The following GNAQ variants were observed in gnomAD, a reference collection of about 807,000 sequenced individuals.
The protein encoded by GNAQ is guanine nucleotide-binding protein G(q) subunit alpha.
Under a neutral mutation model 43.9 loss-of-function variants are expected in GNAQ, and 8 were observed. The ratio of observed to expected loss-of-function variants is 0.18; its 90% CI spans 0.11 to 0.33. The LOEUF is 0.33. Among genes scored for constraint, GNAQ ranks in the 10% least tolerant of loss-of-function variants. GNAQ has a pLI of 1.00. For synonymous variants in GNAQ, 155 were observed against 170.7 expected (o/e 0.91, Z 0.71); for missense variants, 158 against 450.8 (o/e 0.35, Z 5.88).
chr9:77,964,901 T>C (rs1823147687), intron 1 of GNAQ, among the ~76,000 whole-genome samples: 1 of 152,082 alleles, frequency 6.6e-6, no homozygotes, highest in Non-Finnish European at 1.5e-5. Flanking sequence ...ACTCAACTTC[T>C]CTAATATACT....
intron 1 of GNAQ, among the ~76,000 whole-genome samples, chr9:77,979,631 G>A (rs10781476): frequency 0.41 from 62,402 of 151,944 alleles, 13,567 homozygotes; most frequent in Admixed American, 0.49. Context: ...ATGCCCAAGG[G>A]GGGGGAGACT....
At chr9:78,020,613 T>C (rs906420960) in intron 1 of GNAQ, among the ~76,000 whole-genome samples, 2 of 152,254 alleles carry the variant, frequency 1.3e-5, no homozygotes, top group Middle Eastern at 3.4e-3. Context: ...AGAGGCAGCA[T>C]TGGTCTGGCT....
At chr9:77,884,441 C>T (rs918666991) in intron 2 of GNAQ, among the ~76,000 whole-genome samples, 6 of 151,986 alleles carry the variant, frequency 3.9e-5, no homozygotes, top group Admixed American at 1.3e-4. Flanking sequence ...TTATTTCAAG[C>T]GGGAAAAAAT....
At chr9:77,766,087 A>G (rs1826132660) in intron 5 of GNAQ, among the ~76,000 whole-genome samples, 1 of 152,228 alleles carries the variant, frequency 6.6e-6, no homozygotes, top group East Asian at 1.9e-4. Flanking sequence ...ATTACTGTGT[A>G]ATGGGTATGG....
intron 2 of GNAQ, among the ~76,000 whole-genome samples, chr9:77,832,826 G>C (rs991167816): frequency 1.3e-5 from 2 of 152,236 alleles, no homozygotes; most frequent in African/African-American, 4.8e-5. Flanking sequence ...AGAGGAGAGG[G>C]GGGAGCTACA....
intron 2 of GNAQ, among the ~76,000 whole-genome samples, chr9:77,856,576 C>T (rs1397002301): frequency 6.6e-6 from 1 of 152,084 alleles, no homozygotes; most frequent in Non-Finnish European, 1.5e-5. Context: ...GATGGAGATC[C>T]TCTTAAGGAG....
intron 2 of GNAQ, among the ~76,000 whole-genome samples, chr9:77,893,522 C>G (rs1828438313): frequency 6.6e-6 from 1 of 152,224 alleles, no homozygotes; most frequent in Admixed American, 6.5e-5. Flanking sequence ...TAAGCATACT[C>G]AGTTGAGCAG....
intron 1 of GNAQ, among the ~76,000 whole-genome samples, chr9:77,942,767 A>C (rs2118348550): frequency 6.6e-6 from 1 of 152,338 alleles, no homozygotes; most frequent in South Asian, 2.1e-4. Flanking sequence ...AACTTTTAAA[A>C]ATAAAGACAC....
chr9:77,940,986 C>T (rs888078984), intron 1 of GNAQ, among the ~76,000 whole-genome samples: 1 of 151,768 alleles, frequency 6.6e-6, no homozygotes, highest in African/African-American at 2.4e-5. Flanking sequence ...ATTTGCAAGT[C>T]ATTTTTTTAA....
At chr9:77,948,047 C>T (rs1341866532) in intron 1 of GNAQ, among the ~76,000 whole-genome samples, 1 of 152,148 alleles carries the variant, frequency 6.6e-6, no homozygotes, top group Non-Finnish European at 1.5e-5. Context: ...ATACGTGGCA[C>T]AAGAAAGTGT....
rs544067882 is a variant in GNAQ at position 77,930,059 on chromosome 9, T to C, written c.137-7714A>G. ...TAAATAATGCTCTGATAAACACCCC[T>C]GAACAAAAATCTCTGCCTGAATCTC... is the stretch of plus-strand genomic sequence containing the variant. On this transcript the variant is annotated intron_variant, in intron 1 of 6. Coordinates refer to ENST00000286548, the MANE Select transcript of GNAQ (RefSeq NM_002072.5). Among the ~76,000 whole-genome samples the C allele has an allele frequency of 9.8e-4, 150 of 152,296 alleles. No homozygotes were observed. In the Middle Eastern group the frequency reaches 0.01, roughly 10 times the overall value.
intron 2 of GNAQ, among the ~76,000 whole-genome samples, chr9:77,838,665 ACCTCGGC>A (rs1327633558): frequency 2.6e-5 from 4 of 151,682 alleles, no homozygotes; most frequent in African/African-American, 4.8e-5. Context: ...TGATCCACCC[ACCTCGGC>A]CTTGCAAAGT....
intron 6 of GNAQ, 37 bp from the exon 7 acceptor site, chr9:77,721,550 T>A (rs777234154): frequency 8.3e-7 from 1 of 1,201,756 alleles, no homozygotes; most frequent in Non-Finnish European, 1.2e-6. Context: ...CTTTGTTACC[T>A]AATCTGCTAA....
chr9:77,826,140 T>TGA (rs776732183), intron 2 of GNAQ, among the ~76,000 whole-genome samples: 1 of 152,158 alleles, frequency 6.6e-6, no homozygotes. Flanking sequence ...TCAAGAATAA[T>TGA]GAGAGAGTAC....
chr9:77,770,176 G>A (rs913456653), intron 5 of GNAQ, among the ~76,000 whole-genome samples: 1 of 152,126 alleles, frequency 6.6e-6, no homozygotes, highest in East Asian at 1.9e-4. Context: ...AGGGTTATAT[G>A]TATGTGTATA....
intron 2 of GNAQ, among the ~76,000 whole-genome samples, chr9:77,827,472 A>G (rs1009878147): frequency 2.0e-5 from 3 of 150,940 alleles, no homozygotes; most frequent in Admixed American, 1.3e-4. Flanking sequence ...TCTTAGCTAT[A>G]TATTTATTTT....
chr9:77,716,869 C>T lies in GNAQ; in HGVS notation c.*4454G>A. On this transcript the variant is annotated 3_prime_UTR_variant, in exon 7 of 7. Coordinates refer to ENST00000286548, the MANE Select transcript of GNAQ (RefSeq NM_002072.5). ...ACCTACTATGTGCTAGGTGTGTATT[C>T]ATACTTTGAACATATGATTCTAGAG... 4.3e-6 allele frequency: 1 copy of T among 232,834 alleles called. No individual in the cohort carries two copies. Among genetic ancestry groups the T allele is most frequent in the East Asian group, 6.1e-5 (1 of 16,488 alleles). 14.4% of individuals were successfully genotyped at this position (232,834 alleles called of 1,614,324 possible). A position where few individuals can be genotyped will look rare whatever the true frequency, so the allele number is the denominator to read the frequency against.
At chr9:77,982,737 A>G (rs1399059832) in intron 1 of GNAQ, among the ~76,000 whole-genome samples, 1 of 151,504 alleles carries the variant, frequency 6.6e-6, no homozygotes, top group Non-Finnish European at 1.5e-5. Flanking sequence ...TATGTTTAAA[A>G]AAAAAAAAAA....
Position 77,941,947 on chromosome 9 carries a change from C to G in GNAQ, c.137-19602G>C, listed in dbSNP as rs1035858865. On this transcript the variant is annotated intron_variant, in intron 1 of 6. Coordinates refer to ENST00000286548, the MANE Select transcript of GNAQ (RefSeq NM_002072.5). ...ACACACACACACACACACACACACA[C>G]AGAGTATTATATAGAAAGAGGTAGG... Among the ~76,000 whole-genome samples, 11 of 135,336 alleles carry G rather than the reference C, an allele frequency of 8.1e-5. No individual in the cohort carries two copies. In the South Asian group the frequency reaches 2.3e-3, roughly 29 times the overall value. The allele number at this position is 135,336 out of a possible 152,430, so 88.8% of individuals were successfully genotyped here.
Sources: allele counts gnomAD v4.1 joint callset (sites outside exome capture counted in the v4.1 genomes callset), GRCh38; gene constraint gnomAD v4.1.1; transcripts MANE v1.5; gene names NCBI Gene and HGNC (gene_info 2026-07-23, HGNC 2026-07-21).